Variants in CRISPLD2 observed in about 807,000 individuals in gnomAD.
CRISPLD2 encodes cysteine rich secretory protein LCCL domain containing 2, also known as cysteine-rich secretory protein LCCL domain-containing 2.
Under a neutral mutation model 71.1 loss-of-function variants are expected in CRISPLD2, and 47 were observed. That is an observed-to-expected ratio of 0.66 (90% CI 0.52 to 0.84). The LOEUF is 0.84. Ranked by LOEUF, CRISPLD2 falls within the 40% of genes least tolerant of loss-of-function variation. The pLI is 0.00. For synonymous variants in CRISPLD2, 317 were observed against 250.1 expected (o/e 1.27, Z -2.52); for missense variants, 830 against 651.1 (o/e 1.27, Z -2.99).
At chr16:84,848,372 T>C (rs1008500278) in intron 3 of CRISPLD2, among the ~76,000 whole-genome samples, 1 of 152,126 alleles carries the variant, frequency 6.6e-6, no homozygotes, top group African/African-American at 2.4e-5. Context: ...CCGTGAGCAT[T>C]TTCTCTTCAT....
At chr16:84,874,599 G>A (rs1361141703) in intron 11 of CRISPLD2, among the ~76,000 whole-genome samples, 1 of 152,196 alleles carries the variant, frequency 6.6e-6, no homozygotes, top group Non-Finnish European at 1.5e-5. Context: ...CCTCCCCGGA[G>A]CTCTGCCGGC....
At chr16:84,845,018 C>T (rs998529039) in intron 2 of CRISPLD2, among the ~76,000 whole-genome samples, 5 of 152,172 alleles carry the variant, frequency 3.3e-5, no homozygotes, top group East Asian at 1.9e-4. Context: ...CAACGCCACC[C>T]GGATAATTGA....
intron 4 of CRISPLD2, 112 bp downstream of exon 4, chr16:84,849,629 A>T: frequency 8.5e-7 from 1 of 1,180,146 alleles, no homozygotes; most frequent in Non-Finnish European, 1.2e-6. Flanking sequence ...TGTTGCCTTC[A>T]TTTTTAAAAA....
intron 14 of CRISPLD2, among the ~76,000 whole-genome samples, chr16:84,893,153 A>C (rs976271440): frequency 6.6e-6 from 1 of 152,006 alleles, no homozygotes; most frequent in African/African-American, 2.4e-5. Flanking sequence ...TGCACTGGGG[A>C]CACTGCTCCC....
chr16:84,858,000 A>T (rs1379635226), intron 6 of CRISPLD2, among the ~76,000 whole-genome samples: 1 of 152,232 alleles, frequency 6.6e-6, no homozygotes, highest in Non-Finnish European at 1.5e-5. Context: ...GATGACCCAT[A>T]GTCAAACGTT....
intron 6 of CRISPLD2, among the ~76,000 whole-genome samples, chr16:84,858,625 T>C (rs978974691): frequency 2.0e-5 from 3 of 152,220 alleles, no homozygotes; most frequent in East Asian, 1.9e-4. Context: ...TTCAGTGCAA[T>C]GGAGCAGTGT....
Position 84,848,964 on chromosome 16 carries a change from C to T in CRISPLD2, c.360-421C>T, listed in dbSNP as rs562413969. Reference sequence around the variant, plus strand: ...TCCCGCCACTGCACTCCAGCCTGGGCGACAGAGCGAGACTCCGTCTCAAAA... The same window carrying T: ...TCCCGCCACTGCACTCCAGCCTGGGTGACAGAGCGAGACTCCGTCTCAAAA... On this transcript the variant is annotated intron_variant, in intron 3 of 14. Transcript: ENST00000262424. Among the ~76,000 whole-genome samples the T allele has an allele frequency of 2.5e-3, 153 of 61,062 alleles. No homozygotes were observed. In the East Asian group the frequency reaches 0.05, roughly 20 times the overall value. 40.1% of individuals were successfully genotyped at this position (61,062 alleles called of 152,430 possible). A position where few individuals can be genotyped will look rare whatever the true frequency, so the allele number is the denominator to read the frequency against.
At chr16:84,861,327 A>G (rs914447746) in intron 6 of CRISPLD2, among the ~76,000 whole-genome samples, 1 of 151,836 alleles carries the variant, frequency 6.6e-6, no homozygotes, top group African/African-American at 2.4e-5. Flanking sequence ...CTAATAGGAT[A>G]TATATATATA....
intron 14 of CRISPLD2, among the ~76,000 whole-genome samples, chr16:84,904,591 G>T: frequency 7.0e-6 from 1 of 143,728 alleles, no homozygotes; most frequent in South Asian, 2.2e-4. Context: ...CTCAAAAAAA[G>T]GTAAAAAAAA....
At chr16:84,863,204 G>T (rs943428894) in intron 6 of CRISPLD2, 2 of 152,204 alleles carry the variant, frequency 1.3e-5, no homozygotes, top group Non-Finnish European at 2.9e-5. Flanking sequence ...TATGCCAATA[G>T]CCACAGAGGG....
intron 14 of CRISPLD2, among the ~76,000 whole-genome samples, chr16:84,904,637 G>C (rs1006174341): frequency 6.6e-6 from 1 of 151,418 alleles, no homozygotes; most frequent in African/African-American, 2.4e-5. Flanking sequence ...AAAATGATTG[G>C]AAGTCCATAA....
chr16:84,889,666 C>T (rs1307255434), intron 14 of CRISPLD2, among the ~76,000 whole-genome samples: 1 of 151,542 alleles, frequency 6.6e-6, no homozygotes, highest in African/African-American at 2.4e-5. Context: ...TCAGATAAGC[C>T]CGAAGATAAA....
At chr16:84,824,449 C>A (rs1597442467) in intron 1 of CRISPLD2, among the ~76,000 whole-genome samples, 1 of 152,220 alleles carries the variant, frequency 6.6e-6, no homozygotes. Flanking sequence ...GGCACAGATC[C>A]AGCAGCAAAT....
chr16:84,882,142 G>A (rs2071573487), intron 13 of CRISPLD2, among the ~76,000 whole-genome samples: 1 of 151,998 alleles, frequency 6.6e-6, no homozygotes. Context: ...TAAAAATAAA[G>A]AGCTGGGCAA....
In CRISPLD2 at chr16:84,877,423, TG is replaced by T. The variant is rs1453794982; in HGVS notation, c.1157-14del. On this transcript the variant is annotated splice_polypyrimidine_tract_variant and intron_variant, in intron 11 of 14. Coordinates refer to ENST00000262424, the MANE Select transcript of CRISPLD2 (RefSeq NM_031476.4). ...TGCTGGGACCTGACCCTTTCCCCCT[TG>T]CTCCTGTTCACAGTGCAGGATTTGG... The T allele has an allele frequency of 6.2e-7, 1 of 1,612,806 alleles. No homozygotes were observed. Among genetic ancestry groups the T allele is most frequent in the South Asian group, 1.1e-5 (1 of 91,042 alleles).
intron 13 of CRISPLD2, among the ~76,000 whole-genome samples, chr16:84,886,884 A>C (rs1374365699): frequency 2.0e-5 from 3 of 152,198 alleles, no homozygotes; most frequent in African/African-American, 7.2e-5. Context: ...TATTAGCATT[A>C]AGCATATTCA....
At chr16:84,900,196 C>T (rs765841197) in intron 14 of CRISPLD2, among the ~76,000 whole-genome samples, 4 of 152,072 alleles carry the variant, frequency 2.6e-5, no homozygotes, top group Admixed American at 6.6e-5. Flanking sequence ...ATCTGATACA[C>T]GTTTCAAAAG....
intron 13 of CRISPLD2, among the ~76,000 whole-genome samples, chr16:84,885,120 C>T (rs1403755031): frequency 6.6e-6 from 1 of 152,182 alleles, no homozygotes. Context: ...GACAGTGGGA[C>T]CCAAAAATCT....
chr16:84,901,559 C>G (rs889107992), intron 14 of CRISPLD2, among the ~76,000 whole-genome samples: 13 of 150,368 alleles, frequency 8.6e-5, no homozygotes, highest in Non-Finnish European at 1.8e-4. Flanking sequence ...GCAACCTCCA[C>G]CTCCTGGATT....
Sources: allele counts gnomAD v4.1 joint callset (sites outside exome capture counted in the v4.1 genomes callset), GRCh38; gene constraint gnomAD v4.1.1; transcripts MANE v1.5; gene names NCBI Gene and HGNC (gene_info 2026-07-23, HGNC 2026-07-21).